KIAA1549: variants seen among roughly 807,000 people sequenced by gnomAD.
The protein encoded by KIAA1549 is UPF0606 protein KIAA1549.
Under a neutral mutation model 156.4 loss-of-function variants are expected in KIAA1549, and 70 were observed. The observed-to-expected ratio is 0.45, with a 90% CI of 0.37 to 0.55. KIAA1549 has a LOEUF of 0.55. Ranked by LOEUF, KIAA1549 falls within the 20% of genes least tolerant of loss-of-function variation. The pLI, the probability that KIAA1549 is intolerant of heterozygous loss-of-function variation, is 0.00. For synonymous variants in KIAA1549, 1,103 were observed against 1,066.4 expected (o/e 1.03, Z -0.67); for missense variants, 2,428 against 2,540.9 (o/e 0.96, Z 0.96).
At chr7:138,912,515 C>G (rs1175094324) in intron 2 of KIAA1549, 55 bp from the exon 3 acceptor site, 1 of 1,425,434 alleles carries the variant, frequency 7.0e-7, no homozygotes, top group Non-Finnish European at 9.9e-7. Flanking sequence ...GAATAACAAA[C>G]ACACCAGACT....
rs1430870322 is a variant in KIAA1549 at position 138,911,155 on chromosome 7, C to T, written c.3136G>A (p.Val1046Ile). The T allele has an allele frequency of 5.7e-6, 9 of 1,586,466 alleles. No homozygotes were observed. The highest frequency in any genetic ancestry group is 1.8e-5 in the Admixed American group (1 of 55,636). Residue 1046 changes from valine to isoleucine, a missense_variant, in exon 4 of 20, where the codon GTT (valine) becomes ATT (isoleucine). This residue lies in a region of KIAA1549 where 762 missense variants were observed against 901.6 expected (regional missense o/e 0.85). Coordinates refer to ENST00000422774, the MANE Select transcript of KIAA1549 (RefSeq NM_001164665.2). ...TGCTGAGCTGTCTCACCTGTTTGAACTTGGAACCTGGACTCTGGCACAAGG... is the reference window on the plus strand; with the variant it reads ...TGCTGAGCTGTCTCACCTGTTTGAATTTGGAACCTGGACTCTGGCACAAGG... ...SFLVPESRFQ[V>I]QTVLQFVPPS... is the part of the protein sequence containing the mutation.
chr7:138,874,577 TAA>T (rs1811027527), intron 12 of KIAA1549, among the ~76,000 whole-genome samples: 1 of 152,152 alleles, frequency 6.6e-6, no homozygotes, highest in African/African-American at 2.4e-5. Context: ...CACAGAAGGA[TAA>T]ACACTGCACT....
chr7:138,920,821 TTACTC>T (rs1240906045), intron 1 of KIAA1549, among the ~76,000 whole-genome samples: 31 of 152,348 alleles, frequency 2.0e-4, no homozygotes, highest in African/African-American at 6.3e-4. Context: ...AGTCTTGAAT[TTACTC>T]TATTTTTTTA....
At chr7:138,923,817 A>G (rs1812633684) in intron 1 of KIAA1549, among the ~76,000 whole-genome samples, 1 of 152,168 alleles carries the variant, frequency 6.6e-6, no homozygotes, top group Non-Finnish European at 1.5e-5. Context: ...CTGTGAATAG[A>G]TTTTTGTTTC....
chr7:138,870,749 A>T (rs1429326425), intron 13 of KIAA1549, among the ~76,000 whole-genome samples: 1 of 152,272 alleles, frequency 6.6e-6, no homozygotes, highest in African/African-American at 2.4e-5. Context: ...TTATGCCTTC[A>T]GTAACTAGTT....
intron 1 of KIAA1549, among the ~76,000 whole-genome samples, chr7:138,974,083 A>G (rs1814302329): frequency 6.6e-6 from 1 of 152,258 alleles, no homozygotes; most frequent in Non-Finnish European, 1.5e-5. Flanking sequence ...TTACAGGTAA[A>G]GGATCTGAAC....
chr7:138,975,023 T>C (rs147762838), intron 1 of KIAA1549, among the ~76,000 whole-genome samples: 2,074 of 152,102 alleles, frequency 0.014, 175 homozygotes, highest in Admixed American at 0.13. Context: ...GCATGCAAAA[T>C]CACCAGGGGG....
At position 138,917,678 on chromosome 7, in the gene KIAA1549, G is replaced by A; in HGVS notation, c.1948C>T (p.Leu650=). ...SPSEAPASLS[L]MPSDLSPFTS... ...AAGGGGGACAAGTCACTCGGCATCA[G>A]AGACAGAGACGCAGGTGCTTCCGAA... Residue 650 remains leucine, a synonymous_variant, in exon 2 of 20, where the codon CTG becomes TTG. Transcript: ENST00000422774. 1 of 1,610,834 alleles carries A rather than the reference G, an allele frequency of 6.2e-7. No homozygotes were observed. The highest frequency in any genetic ancestry group is 2.2e-5 in the East Asian group (1 of 44,802).
chr7:138,938,422 CT>C (rs574052087), intron 1 of KIAA1549, among the ~76,000 whole-genome samples: 48 of 151,710 alleles, frequency 3.2e-4, no homozygotes, highest in African/African-American at 1.1e-3. Flanking sequence ...TTTCCATTCA[CT>C]GGTAATCTTT....
chr7:138,981,197 G>A lies in KIAA1549; in HGVS notation c.73C>T (p.Pro25Ser), dbSNP rs1256687574. 1.4e-5 allele frequency: 15 copies of A among 1,062,950 alleles called. No homozygotes were observed. The highest frequency in any genetic ancestry group is 5.5e-5 in the Admixed American group (1 of 18,222). 65.8% of individuals were successfully genotyped at this position (1,062,950 alleles called of 1,614,324 possible). Residue 25 changes from proline (P) to serine (S), a missense_variant, in exon 1 of 20, where the codon CCG becomes TCG. Around this residue, in one of 5 missense-constraint regions of KIAA1549, gnomAD observed 893 missense variants for 847.9 expected, o/e 1.05. Transcript: ENST00000422774. This position sits in a 1 kb window ranked among gnomAD's most constrained non-coding sequence, Gnocchi z 4.5. ...GKPRAGVALA[P>S]GPSGRRPSAR... ...GAAGGCCGTCGGCCGCTCGGCCCCGGGGCCAGCGCGACCCCGGCGCGGGGC... is the reference window on the plus strand; with the variant it reads ...GAAGGCCGTCGGCCGCTCGGCCCCGAGGCCAGCGCGACCCCGGCGCGGGGC...
chr7:138,933,590 G>A (rs1366231160), intron 1 of KIAA1549, among the ~76,000 whole-genome samples: 1 of 152,228 alleles, frequency 6.6e-6, no homozygotes, highest in African/African-American at 2.4e-5. Flanking sequence ...CTATGATCAT[G>A]TAAGATGTTA....
At chr7:138,854,974 A>AG (rs968372382) in intron 16 of KIAA1549, among the ~76,000 whole-genome samples, 1 of 152,202 alleles carries the variant, frequency 6.6e-6, no homozygotes, top group Non-Finnish European at 1.5e-5. Context: ...GCAGTGGTCA[A>AG]GGGGGAAACA....
At chr7:138,840,393 G>T in intron 18 of KIAA1549, 115 bp from the exon 19 acceptor site, 1 of 898,974 alleles carries the variant, frequency 1.1e-6, no homozygotes, top group South Asian at 1.8e-5. Context: ...TTAATGACAA[G>T]GGATCAGGAC....
At chr7:138,856,652 C>T (rs1810402250) in intron 16 of KIAA1549, among the ~76,000 whole-genome samples, 1 of 152,194 alleles carries the variant, frequency 6.6e-6, no homozygotes, top group Admixed American at 6.5e-5. Flanking sequence ...ATGTAGGCTC[C>T]ATAACCATCG....
At chr7:138,878,241 G>A (rs1028488353) in intron 12 of KIAA1549, among the ~76,000 whole-genome samples, 1 of 151,932 alleles carries the variant, frequency 6.6e-6, no homozygotes, top group Non-Finnish European at 1.5e-5. Context: ...TGAGCAACCC[G>A]CGAGGCCACA....
rs1448023466 is a variant in KIAA1549, at chr7:138,899,098, T to C, written c.3704A>G (p.Asn1235Ser). ...CACAAAGTAGATGAGCTGTACCGGA[T>C]TGTCATCTCCCTCCAGCCTCGACAC... Reference protein sequence around the residue: ...VNVSRLEGDDNPVQLIYFVED... With the variant: ...VNVSRLEGDDSPVQLIYFVED... Residue 1235 changes from asparagine to serine, a missense_variant, in exon 9 of 20, where the codon AAT (asparagine) becomes AGT (serine). Asn to Ser is a conservative substitution (Grantham distance 46). This residue lies in a region of KIAA1549 where 762 missense variants were observed against 901.6 expected (regional missense o/e 0.85). Transcript: ENST00000422774. The C allele has an allele frequency of 1.2e-6, 2 of 1,613,862 alleles. No homozygotes were observed. Among genetic ancestry groups the C allele is most frequent in the Non-Finnish European group, 8.5e-7 (1 of 1,179,764 alleles).
At chr7:138,841,889 AT>A (rs200503520) in intron 18 of KIAA1549, among the ~76,000 whole-genome samples, 5,198 of 106,560 alleles carry the variant, frequency 0.049, 244 homozygotes, top group African/African-American at 0.14. Flanking sequence ...AATCAACCAC[AT>A]TTAAAAAAAA....
chr7:138,918,301 A>G lies in KIAA1549; in HGVS notation c.1325T>C (p.Val442Ala), dbSNP rs754588582. ...VLATSLMEKD[V>A]GSGDGAETLC... ...AGTCTCGGCACCATCCCCTGATCCC[A>G]CGTCTTTCTCCATGAGGCTCGTGGC... The change falls in exon 2 of 20, where the codon GTG (valine) becomes GCG (alanine). Residue 442 changes from valine (V) to alanine (A), a missense_variant. Coordinates refer to ENST00000422774, the MANE Select transcript of KIAA1549 (RefSeq NM_001164665.2). This position sits in a 1 kb window ranked among gnomAD's most constrained non-coding sequence, Gnocchi z 4.2. 10 of 1,613,860 alleles carry G rather than the reference A, an allele frequency of 6.2e-6. No homozygotes were observed. In the African/African-American group the frequency reaches 9.3e-5, roughly 15 times the overall value.
intron 18 of KIAA1549, among the ~76,000 whole-genome samples, chr7:138,841,625 A>C (rs1292708005): frequency 1.3e-5 from 2 of 152,350 alleles, no homozygotes; most frequent in East Asian, 3.9e-4. Context: ...AGTGATGCTC[A>C]GACTGGAACC....
Sources: allele counts gnomAD v4.1 joint callset (sites outside exome capture counted in the v4.1 genomes callset), GRCh38; gene constraint gnomAD v4.1.1; regional missense constraint gnomAD v4.1.1; non-coding constraint Gnocchi (gnomAD v3.1); transcripts MANE v1.5; gene names NCBI Gene and HGNC (gene_info 2026-07-23, HGNC 2026-07-21).